LIPG: variants seen among roughly 807,000 people sequenced by gnomAD.
LIPG encodes endothelial lipase.
LIPG carries 34 observed loss-of-function variants against 51.8 expected under a neutral mutation model. The observed-to-expected ratio is 0.66, with a 90% CI of 0.50 to 0.87. The LOEUF (loss-of-function observed/expected upper bound fraction) is 0.87, where lower values mean the gene tolerates loss of function less well. Ranked by LOEUF, LIPG falls within the 40% of genes least tolerant of loss-of-function variation. LIPG has a pLI of 0.00. For missense variants in LIPG, 580 were observed against 652.7 expected, an observed-to-expected ratio of 0.89 and a Z score of 1.21; for synonymous variants, 246 against 246.1, an observed-to-expected ratio of 1.00 and a Z score of 0.00.
intron 6 of LIPG, among the ~76,000 whole-genome samples, chr18:49,582,045 T>C (rs1482188717): frequency 6.6e-6 from 1 of 152,200 alleles, no homozygotes; most frequent in African/African-American, 2.4e-5. Flanking sequence ...TTCTGGGTAC[T>C]GTGGGTATTA....
In LIPG at chr18:49,562,377, A is replaced by C. The variant is rs2084559894; in HGVS notation, c.69A>C (p.Val23=). Residue 23 remains valine (V), a synonymous_variant, in exon 1 of 10, where the codon GTA becomes GTC. Coordinates refer to ENST00000261292, the MANE Select transcript of LIPG (RefSeq NM_006033.4). ...LCYCFAAGSP[V]PFGPEGRLED... ...ATTGCTTTGCTGCGGGGAGCCCCGTACCTTTTGGTCCAGAGGGACGGCTGG... is the reference window on the plus strand; with the variant it reads ...ATTGCTTTGCTGCGGGGAGCCCCGTCCCTTTTGGTCCAGAGGGACGGCTGG... 3.1e-6 allele frequency: 5 copies of C among 1,613,772 alleles called. No homozygotes were observed. Among genetic ancestry groups the C allele is most frequent in the East Asian group, 2.2e-5 (1 of 44,862 alleles).
intron 9 of LIPG, among the ~76,000 whole-genome samples, chr18:49,587,398 A>G (rs1175300052): frequency 6.6e-6 from 1 of 151,450 alleles, no homozygotes; most frequent in Non-Finnish European, 1.5e-5. Flanking sequence ...GTGAAACCTC[A>G]TCTCTCTAAA....
intron 7 of LIPG, among the ~76,000 whole-genome samples, chr18:49,583,024 CAGGT>C (rs1359611217): frequency 2.0e-5 from 3 of 152,150 alleles, no homozygotes; most frequent in Non-Finnish European, 2.9e-5. Context: ...CACTTACACA[CAGGT>C]AGGGCAAGGC....
At chr18:49,579,410 G>A (rs970961239) in intron 5 of LIPG, among the ~76,000 whole-genome samples, 4 of 151,502 alleles carry the variant, frequency 2.6e-5, no homozygotes, top group Admixed American at 1.3e-4. Flanking sequence ...GATTACAGGC[G>A]CAAACCACCA....
At chr18:49,590,121 T>G in intron 9 of LIPG, 1 of 362,372 alleles carries the variant, frequency 2.8e-6, no homozygotes, top group Admixed American at 3.9e-5. Flanking sequence ...TATTTCTAGA[T>G]CAAGGCAAAG....
Position 49,598,360 on chromosome 18 carries a change from A to G in LIPG, c.*7838A>G, listed in dbSNP as rs2084993072. The G allele has an allele frequency of 6.6e-6, 1 of 152,300 alleles. No individual in the cohort carries two copies. The highest frequency in any genetic ancestry group is 1.5e-5 in the Non-Finnish European group (1 of 68,196). The allele number at this position is 152,300 out of a possible 1,614,324, so 9.4% of individuals were successfully genotyped here. On this transcript the variant is annotated 3_prime_UTR_variant, in exon 10 of 10. Transcript: ENST00000261292. ...CAGGTGTACTCCACTATGCCTGGCT[A>G]CATTTTGAATTTTTTGTAGAGATGG...
intron 2 of LIPG, among the ~76,000 whole-genome samples, chr18:49,566,363 C>A (rs1037156229): frequency 3.9e-5 from 6 of 152,138 alleles, no homozygotes; most frequent in African/African-American, 1.4e-4. Flanking sequence ...TTAAGGCCCC[C>A]TGTCAAAATG....
At chr18:49,579,783 CTTTTCTTTTCTTTTCTTTTCTT>C (rs1381586657) in intron 5 of LIPG, among the ~76,000 whole-genome samples, 14 of 75,974 alleles carry the variant, frequency 1.8e-4, no homozygotes, top group Non-Finnish European at 3.5e-4. Flanking sequence ...CTTTTCTTTT[CTTTTCTTTTCTTTTCTTTTCTT>C]TTCTTTTCTT....
chr18:49,565,273 C>A (rs45455295), intron 1 of LIPG, 44 bp from the exon 2 acceptor site: 3 of 1,600,556 alleles, frequency 1.9e-6, no homozygotes, highest in South Asian at 1.1e-5. Context: ...TCTCTCACTC[C>A]GCAAGTCTGC....
chr18:49,595,558 G>C lies in LIPG; in HGVS notation c.*5036G>C, dbSNP rs974466287. The C allele has an allele frequency of 6.6e-6, 1 of 152,208 alleles. No individual in the cohort carries two copies. Among genetic ancestry groups the C allele is most frequent in the Non-Finnish European group, 1.5e-5 (1 of 68,030 alleles). The allele number at this position is 152,208 out of a possible 1,614,324, so 9.4% of individuals were successfully genotyped here. A position where few individuals can be genotyped will look rare whatever the true frequency, so the allele number is the denominator to read the frequency against. On this transcript the variant is annotated 3_prime_UTR_variant, in exon 10 of 10. Transcript: ENST00000261292. Reference sequence around the variant, plus strand: ...CAAAAATAAAATCCTGGGTGGGCACGGTGGCTCACCCCTGTAATCTCAGCA... The same window carrying C: ...CAAAAATAAAATCCTGGGTGGGCACCGTGGCTCACCCCTGTAATCTCAGCA...
intron 1 of LIPG, among the ~76,000 whole-genome samples, chr18:49,562,692 TGCTGTCCAGCCA>T (rs2084563793): frequency 6.6e-6 from 1 of 150,424 alleles, no homozygotes; most frequent in African/African-American, 2.5e-5. Flanking sequence ...CCAGTGCTGG[TGCTGTCCAGCCA>T]GCCGAGCGGC....
Position 49,575,892 on chromosome 18 carries a change from G to A in LIPG, c.793+302G>A, listed in dbSNP as rs528943791. On this transcript the variant is annotated intron_variant, in intron 5 of 9. Transcript: ENST00000261292. ...TTGCTCTTGTTGCCCAGGTTAGAGT[G>A]CAATGGTGCAATCTCGGCTCACTGC... 2.0e-5 allele frequency among the ~76,000 whole-genome samples: 3 copies of A among 148,754 alleles called. No individual in the cohort carries two copies. The East Asian group carries it at 6.0e-4, about 30-fold the overall frequency.
chr18:49,569,327 C>T, intron 3 of LIPG, 110 bp from the exon 4 acceptor site: 2 of 894,708 alleles, frequency 2.2e-6, no homozygotes, highest in Non-Finnish European at 3.7e-6. Flanking sequence ...TCTCTGTGCC[C>T]ACGGCCCCTG....
Position 49,583,014 on chromosome 18 carries a change from C to T in LIPG, c.1157+532C>T, listed in dbSNP as rs371427362. 6.6e-5 allele frequency among the ~76,000 whole-genome samples: 10 copies of T among 152,280 alleles called. 1 individual carries two copies. In the East Asian group the frequency reaches 1.5e-3, roughly 23 times the overall value. Reference sequence around the variant, plus strand: ...GACCAGGTTTGTACACGCACGTGCACACTTACACACAGGTAGGGCAAGGCA... The same window carrying T: ...GACCAGGTTTGTACACGCACGTGCATACTTACACACAGGTAGGGCAAGGCA... On this transcript the variant is annotated intron_variant, in intron 7 of 9. Transcript: ENST00000261292.
At position 49,598,720 on chromosome 18, in the gene LIPG, C is replaced by T. The variant is rs2084994834; in HGVS notation, c.*8198C>T. ...AGCATTACCACATCGAGATTGTGAA[C>T]ATACCACCACCAGAAGTTTTCTTGT... On this transcript the variant is annotated 3_prime_UTR_variant, in exon 10 of 10. Coordinates refer to ENST00000261292, the MANE Select transcript of LIPG (RefSeq NM_006033.4). 1 of 152,216 alleles carries T rather than the reference C, an allele frequency of 6.6e-6. No individual in the cohort carries two copies. Among genetic ancestry groups the T allele is most frequent in the African/African-American group, 2.4e-5 (1 of 41,440 alleles). The allele number at this position is 152,216 out of a possible 1,614,324, so 9.4% of individuals were successfully genotyped here.
rs1019101471 is a variant in LIPG at position 49,592,451 on chromosome 18, C to T, written c.*1929C>T. The T allele has an allele frequency of 6.6e-6, 1 of 152,206 alleles. No homozygotes were observed. Among genetic ancestry groups the T allele is most frequent in the African/African-American group, 2.4e-5 (1 of 41,438 alleles). 9.4% of individuals were successfully genotyped at this position (152,206 alleles called of 1,614,324 possible). A position where few individuals can be genotyped will look rare whatever the true frequency, so the allele number is the denominator to read the frequency against. The stretch of plus-strand genomic sequence containing the variant: ...ACAAAATTCATTGATGTGTCAGTTA[C>T]ACCTTATCCACATAGCCTGAGGGTA... On this transcript the variant is annotated 3_prime_UTR_variant, in exon 10 of 10. Coordinates refer to ENST00000261292, the MANE Select transcript of LIPG (RefSeq NM_006033.4).
intron 1 of LIPG, 63 bp downstream of exon 1, chr18:49,562,468 CT>C: frequency 1.4e-6 from 2 of 1,395,858 alleles, no homozygotes; most frequent in South Asian, 2.3e-5. Context: ...CTCTGTCTTG[CT>C]GATTCTTCAA....
At chr18:49,561,612 C>A, upstream of LIPG, 2 of 1,135,282 alleles carry the variant, frequency 1.8e-6, no homozygotes, top group Non-Finnish European at 2.2e-6. Context: ...AGGTGGCTCT[C>A]CCCCGACGGA....
At chr18:49,567,666 A>C in intron 3 of LIPG, 45 bp downstream of exon 3, 2,019 of 1,526,332 alleles carry the variant, frequency 1.3e-3, no homozygotes, top group Non-Finnish European at 1.7e-3. Flanking sequence ...GCAGGATCTC[A>C]AACCCAATCT....
Sources: allele counts gnomAD v4.1 joint callset (sites outside exome capture counted in the v4.1 genomes callset), GRCh38; gene constraint gnomAD v4.1.1; transcripts MANE v1.5; gene names NCBI Gene and HGNC (gene_info 2026-07-23, HGNC 2026-07-21).